The following MSRB3 variants were observed in gnomAD, a reference collection of about 807,000 sequenced individuals.
The protein encoded by MSRB3 is methionine sulfoxide reductase B3.
Under a neutral mutation model 21.0 loss-of-function variants are expected in MSRB3, and 13 were observed. The ratio of observed to expected loss-of-function variants is 0.62; its 90% CI spans 0.40 to 0.98. The LOEUF is 0.98. Among genes scored for constraint, MSRB3 ranks in the 50% least tolerant of loss-of-function variants. MSRB3 has a pLI of 0.00. For synonymous variants in MSRB3, 87 were observed against 88.6 expected (o/e 0.98, Z 0.10); for missense variants, 199 against 230.3 (o/e 0.86, Z 0.88).
At chr12:65,318,360 C>T (rs1430579079) in intron 2 of MSRB3, among the ~76,000 whole-genome samples, 1 of 152,054 alleles carries the variant, frequency 6.6e-6, no homozygotes, top group African/African-American at 2.4e-5. Flanking sequence ...GGCTCCTTTC[C>T]TTCCTTTTTG....
intron 4 of MSRB3, among the ~76,000 whole-genome samples, chr12:65,346,737 C>T (rs1233966901): frequency 1.3e-5 from 2 of 151,990 alleles, no homozygotes; most frequent in African/African-American, 2.4e-5. Context: ...TTTAAGTCTT[C>T]AATCCATCTT....
intron 5 of MSRB3, among the ~76,000 whole-genome samples, chr12:65,389,689 A>G (rs1347286537): frequency 6.6e-6 from 1 of 151,958 alleles, no homozygotes; most frequent in African/African-American, 2.4e-5. Context: ...CATCCATCCT[A>G]GACTCTATGG....
At chr12:65,424,415 A>C (rs1881473442) in intron 5 of MSRB3, among the ~76,000 whole-genome samples, 1 of 151,256 alleles carries the variant, frequency 6.6e-6, no homozygotes, top group Admixed American at 6.6e-5. Context: ...TTTATTTGAG[A>C]TCTTTCTTCT....
intron 1 of MSRB3, among the ~76,000 whole-genome samples, chr12:65,291,202 C>T (rs868473226): frequency 2.0e-5 from 3 of 152,042 alleles, no homozygotes; most frequent in Non-Finnish European, 4.4e-5. Flanking sequence ...TCTCCTACCT[C>T]AGCCTCCTGA....
intron 5 of MSRB3, among the ~76,000 whole-genome samples, chr12:65,446,822 C>T (rs1046034614): frequency 1.3e-5 from 2 of 152,112 alleles, no homozygotes; most frequent in African/African-American, 4.8e-5. Flanking sequence ...TGCCGATGCC[C>T]AGCAGAATTA....
chr12:65,450,907 C>T (rs1418068656), intron 5 of MSRB3, among the ~76,000 whole-genome samples: 1 of 152,190 alleles, frequency 6.6e-6, no homozygotes, highest in Non-Finnish European at 1.5e-5. Context: ...ATCACTGTGG[C>T]TTCTCTGCCA....
chr12:65,323,126 A>T (rs1232476551), intron 2 of MSRB3, among the ~76,000 whole-genome samples: 2 of 152,184 alleles, frequency 1.3e-5, no homozygotes, highest in Non-Finnish European at 1.5e-5. Context: ...AATGGCTGTG[A>T]TCCTTATAGC....
chr12:65,410,593 A>T (rs1229438803), intron 5 of MSRB3, among the ~76,000 whole-genome samples: 1 of 152,074 alleles, frequency 6.6e-6, no homozygotes, highest in Non-Finnish European at 1.5e-5. Context: ...GCAGTGAGCT[A>T]AGATCGCTCC....
intron 2 of MSRB3, among the ~76,000 whole-genome samples, chr12:65,321,841 C>T (rs758471035): frequency 6.6e-6 from 1 of 151,982 alleles, no homozygotes. Flanking sequence ...TAAAGTATAC[C>T]ACCTTTAAAT....
intron 1 of MSRB3, among the ~76,000 whole-genome samples, chr12:65,290,669 G>T (rs1872619243): frequency 6.6e-6 from 1 of 152,088 alleles, no homozygotes; most frequent in South Asian, 2.1e-4. Context: ...TTTGGTCTGT[G>T]GTTTGGAATT....
intron 5 of MSRB3, among the ~76,000 whole-genome samples, chr12:65,371,962 C>A (rs1414733602): frequency 6.6e-6 from 1 of 151,884 alleles, no homozygotes; most frequent in Non-Finnish European, 1.5e-5. Flanking sequence ...TGATTAGCAC[C>A]CATATAGTCA....
chr12:65,425,502 A>G (rs949738092), intron 5 of MSRB3, among the ~76,000 whole-genome samples: 17 of 151,638 alleles, frequency 1.1e-4, no homozygotes, highest in African/African-American at 3.4e-4. Flanking sequence ...CTCACTCTCT[A>G]TCTTTTGTAT....
At chr12:65,391,683 A>C (rs1306245813) in intron 5 of MSRB3, among the ~76,000 whole-genome samples, 1 of 152,216 alleles carries the variant, frequency 6.6e-6, no homozygotes, top group South Asian at 2.1e-4. Flanking sequence ...CTTAGAGTAC[A>C]TTTTACTATA....
chr12:65,368,841 A>G lies in MSRB3; in HGVS notation c.264-157A>G, dbSNP rs1414220273. Among the ~76,000 whole-genome samples, 3 of 152,024 alleles carry G rather than the reference A, an allele frequency of 2.0e-5. No homozygotes were observed. The East Asian group carries it at 5.8e-4, about 29-fold the overall frequency. ...AGAGGGCCTAGGGTAATGCATGCATATAAAATGATTACAATACATATATAT... is the reference window on the plus strand; with the variant it reads ...AGAGGGCCTAGGGTAATGCATGCATGTAAAATGATTACAATACATATATAT... On this transcript the variant is annotated intron_variant, in intron 4 of 6. Transcript: ENST00000308259.
intron 5 of MSRB3, among the ~76,000 whole-genome samples, chr12:65,428,847 C>T (rs1214354122): frequency 2.0e-5 from 3 of 152,124 alleles, no homozygotes; most frequent in South Asian, 2.1e-4. Flanking sequence ...ATTGTTGTTT[C>T]GTGCCCCTAC....
At chr12:65,301,851 G>A (rs971509970) in intron 1 of MSRB3, among the ~76,000 whole-genome samples, 11 of 152,208 alleles carry the variant, frequency 7.2e-5, no homozygotes, top group African/African-American at 1.9e-4. Flanking sequence ...CCAAAACAAC[G>A]TATCACAACA....
rs183577315 is a variant in MSRB3, at chr12:65,464,897, A to G, written c.*1575A>G. The G allele has an allele frequency of 2.0e-4, 30 of 152,396 alleles. No homozygotes were observed. Among genetic ancestry groups the G allele is most frequent in the Admixed American group, 1.9e-3 (29 of 15,306 alleles). 9.4% of individuals were successfully genotyped at this position (152,396 alleles called of 1,614,324 possible). A position where few individuals can be genotyped will look rare whatever the true frequency, so the allele number is the denominator to read the frequency against. Reference sequence around the variant, plus strand: ...CTGTGTGACAAAGGACAAGCCATGTAGCCTCTCTGTGCCTATTTCTTCATG... The same window carrying G: ...CTGTGTGACAAAGGACAAGCCATGTGGCCTCTCTGTGCCTATTTCTTCATG... On this transcript the variant is annotated 3_prime_UTR_variant, in exon 7 of 7. Coordinates refer to ENST00000308259, the MANE Select transcript of MSRB3 (RefSeq NM_001031679.3).
At chr12:65,356,633 A>G (rs1456423959) in intron 4 of MSRB3, among the ~76,000 whole-genome samples, 1 of 151,918 alleles carries the variant, frequency 6.6e-6, no homozygotes, top group South Asian at 2.1e-4. Flanking sequence ...AGTAATTAGA[A>G]AGATAGAATG....
intron 5 of MSRB3, among the ~76,000 whole-genome samples, chr12:65,427,126 T>C (rs752685458): frequency 2.6e-5 from 4 of 152,202 alleles, no homozygotes; most frequent in African/African-American, 9.7e-5. Flanking sequence ...TGTTGCCTTA[T>C]GTTAATCTTT....
Sources: allele counts gnomAD v4.1 joint callset (sites outside exome capture counted in the v4.1 genomes callset), GRCh38; gene constraint gnomAD v4.1.1; transcripts MANE v1.5; gene names NCBI Gene and HGNC (gene_info 2026-07-23, HGNC 2026-07-21).